PTPN5: variants seen among roughly 807,000 people sequenced by gnomAD.
PTPN5 encodes tyrosine-protein phosphatase non-receptor type 5.
In PTPN5, 29 loss-of-function variants were observed where a neutral mutation model predicts 73.9. The ratio of observed to expected loss-of-function variants is 0.39; its 90% CI spans 0.29 to 0.54. The LOEUF (loss-of-function observed/expected upper bound fraction) is 0.54, where lower values mean the gene tolerates loss of function less well. Among genes scored for constraint, PTPN5 ranks in the 20% least tolerant of loss-of-function variants. The pLI is 0.65. For synonymous variants in PTPN5, 267 were observed against 304.7 expected (o/e 0.88, Z 1.29); for missense variants, 652 against 751.4 (o/e 0.87, Z 1.55).
At chr11:18,782,911 A>C (rs559784533) in intron 1 of PTPN5, among the ~76,000 whole-genome samples, 1 of 152,354 alleles carries the variant, frequency 6.6e-6, no homozygotes, top group South Asian at 2.1e-4. Flanking sequence ...CCTGTTGAGA[A>C]ATACGGCTGC....
intron 8 of PTPN5, 75 bp downstream of exon 8, chr11:18,740,528 C>A: frequency 3.0e-6 from 4 of 1,312,224 alleles, no homozygotes; most frequent in Non-Finnish European, 4.0e-6. Context: ...CCAGGCACCA[C>A]GCTCCACCAC....
At position 18,742,358 on chromosome 11, in the gene PTPN5, G is replaced by A. The variant is rs902140730; in HGVS notation, c.629C>T (p.Pro210Leu). Residue 210 changes from proline (P) to leucine (L), a missense_variant, in exon 7 of 15, where the codon CCG (proline) becomes CTG (leucine). Coordinates refer to ENST00000358540, the MANE Select transcript of PTPN5 (RefSeq NM_006906.2). This position sits in a 1 kb window ranked among gnomAD's most constrained non-coding sequence, Gnocchi z 4.1. Reference protein sequence around the residue: ...KIEDDFLDLDPVPETPVFDCV... With the variant: ...KIEDDFLDLDLVPETPVFDCV... ...ATCAAACACAGGAGTCTCGGGCACC[G>A]GGTCGAGGTCCAGGAAGTCATCCTC... is the stretch of plus-strand genomic sequence containing the variant. 15 of 1,614,158 alleles carry A rather than the reference G, an allele frequency of 9.3e-6. No individual in the cohort carries two copies. Among genetic ancestry groups the A allele is most frequent in the Non-Finnish European group, 1.2e-5 (14 of 1,180,022 alleles).
In PTPN5 at chr11:18,742,250, C is replaced by T. The variant is rs1386262795; in HGVS notation, c.725+12G>A. 11 of 1,613,640 alleles carry T rather than the reference C, an allele frequency of 6.8e-6. No homozygotes were observed. In the Admixed American group the frequency reaches 1.8e-4, roughly 27 times the overall value. On this transcript the variant is annotated intron_variant, in intron 7 of 14. Coordinates refer to ENST00000358540, the MANE Select transcript of PTPN5 (RefSeq NM_006906.2). This position sits in a 1 kb window ranked among gnomAD's most constrained non-coding sequence, Gnocchi z 4.1. ...GGGCCCGTGGAGCCCACCCCTCCTC[C>T]ACCCCTCCCACCTCTCCTGCAGACC...
chr11:18,758,012 G>T (rs1386915975), intron 3 of PTPN5, among the ~76,000 whole-genome samples: 4 of 152,168 alleles, frequency 2.6e-5, no homozygotes, highest in African/African-American at 7.2e-5. Context: ...GCAACAAAGG[G>T]TCAGTAGCTC....
Position 18,728,619 on chromosome 11 carries a change from G to A in PTPN5, c.*315C>T, listed in dbSNP as rs1039819365. On this transcript the variant is annotated 3_prime_UTR_variant, in exon 15 of 15. Coordinates refer to ENST00000358540, the MANE Select transcript of PTPN5 (RefSeq NM_006906.2). The surrounding 1 kb of genome is among the most constrained non-coding windows in gnomAD (Gnocchi z 4.1). ...TGCAGCAGGACACAAAGTGTAGCAC[G>A]GAAACATTCTGGATCAGGTATTGAT... 3.7e-5 allele frequency: 11 copies of A among 294,536 alleles called. No individual in the cohort carries two copies. Among genetic ancestry groups the A allele is most frequent in the Non-Finnish European group, 5.7e-5 (9 of 158,132 alleles). The allele number at this position is 294,536 out of a possible 1,614,324, so 18.2% of individuals were successfully genotyped here. A position where few individuals can be genotyped will look rare whatever the true frequency, so the allele number is the denominator to read the frequency against.
At chr11:18,771,831 G>T in intron 2 of PTPN5, 108 bp downstream of exon 2, 1 of 899,168 alleles carries the variant, frequency 1.1e-6, no homozygotes, top group Non-Finnish European at 1.8e-6. Context: ...GAATGATCAG[G>T]CTGAACACCT....
At position 18,744,073 on chromosome 11, in the gene PTPN5, C is replaced by G. The variant is rs751501268; in HGVS notation, c.224G>C (p.Arg75Pro). The stretch of plus-strand genomic sequence containing the variant: ...AGTGAGGGAGTGGCTCCCAGCGCCT[C>G]GAGGTGGTGGCTTCTGAGCTGGATC... ...PSDPAQKPPP[R>P]GAGSHSLTVR... The change falls in exon 4 of 15, where the codon CGA becomes CCA. Residue 75 changes from arginine to proline, a missense_variant. By Grantham distance (103) the Arg-to-Pro change is moderately radical. This residue lies in a region of PTPN5 where 529 missense variants were observed against 573.9 expected (regional missense o/e 0.92). Transcript: ENST00000358540. 1 of 1,609,832 alleles carries G rather than the reference C, an allele frequency of 6.2e-7. No homozygotes were observed. Among genetic ancestry groups the G allele is most frequent in the Non-Finnish European group, 8.5e-7 (1 of 1,178,258 alleles).
chr11:18,751,819 G>C (rs888494575), intron 3 of PTPN5, among the ~76,000 whole-genome samples: 3 of 152,236 alleles, frequency 2.0e-5, no homozygotes, highest in African/African-American at 7.2e-5. Context: ...AAATACGTCT[G>C]TAATTCTTCA....
rs765901653 is a variant in PTPN5, at chr11:18,733,354, TCTC to T, written c.1096_1098del (p.Glu366del). 7.4e-6 allele frequency: 12 copies of T among 1,613,912 alleles called. No individual in the cohort carries two copies. Among genetic ancestry groups the T allele is most frequent in the Non-Finnish European group, 1.0e-5 (12 of 1,179,890 alleles). ...GGTCCCTGAGTGGCGATGTACACCT[TCTC>T]CTCCCCACCATAGCCCTGCGGCCAG... On this transcript the variant is annotated inframe_deletion, in exon 11 of 15. Coordinates refer to ENST00000358540, the MANE Select transcript of PTPN5 (RefSeq NM_006906.2). The surrounding 1 kb of genome is among the most constrained non-coding windows in gnomAD (Gnocchi z 4.3).
At chr11:18,775,792 T>C (rs1365944996) in intron 1 of PTPN5, among the ~76,000 whole-genome samples, 2 of 152,092 alleles carry the variant, frequency 1.3e-5, no homozygotes, top group Non-Finnish European at 2.9e-5. Flanking sequence ...TAAGGGCCTT[T>C]CCTTAGAGGT....
chr11:18,751,186 G>A (rs1247970458), intron 3 of PTPN5, among the ~76,000 whole-genome samples: 1 of 152,208 alleles, frequency 6.6e-6, no homozygotes, highest in Non-Finnish European at 1.5e-5. Flanking sequence ...GGAGAGGCTG[G>A]AGGTGGCTCC....
intron 1 of PTPN5, among the ~76,000 whole-genome samples, chr11:18,776,364 T>C (rs532467755): frequency 2.6e-5 from 4 of 152,118 alleles, no homozygotes; most frequent in South Asian, 2.1e-4. Flanking sequence ...ACCTCCTCAA[T>C]AGAACCCTCC....
At chr11:18,769,593 A>C (rs770288294) in intron 2 of PTPN5, among the ~76,000 whole-genome samples, 2 of 152,122 alleles carry the variant, frequency 1.3e-5, no homozygotes, top group African/African-American at 2.4e-5. Flanking sequence ...AGTAGATACG[A>C]GGTTTCACCG....
At chr11:18,790,567 T>C (rs1356898336) in intron 1 of PTPN5, among the ~76,000 whole-genome samples, 1 of 151,972 alleles carries the variant, frequency 6.6e-6, no homozygotes, top group Non-Finnish European at 1.5e-5. Context: ...TCCTTTGAGG[T>C]TGAAGGAAGC....
intron 3 of PTPN5, among the ~76,000 whole-genome samples, chr11:18,756,807 C>G (rs1257499327): frequency 1.3e-5 from 2 of 151,558 alleles, no homozygotes; most frequent in Non-Finnish European, 2.9e-5. Flanking sequence ...GCCTGTAATC[C>G]CAGCTACTCG....
Position 18,729,697 on chromosome 11 carries a change from T to G in PTPN5, c.1451A>C (p.Gln484Pro). 6.3e-7 allele frequency: 1 copy of G among 1,582,380 alleles called. No homozygotes were observed. The change falls in exon 13 of 15, where the codon CAG (glutamine) becomes CCG (proline). Residue 484 changes from glutamine (Q) to proline (P), a missense_variant. Transcript: ENST00000358540. The surrounding 1 kb of genome is among the most constrained non-coding windows in gnomAD (Gnocchi z 5.2). ...GATGGGGGCACAGTGGGGCCCCTCC[T>G]GCTGGGCTGCCTCCTCCACCTCCCG... ...LVREVEEAAQ[Q>P]EGPHCAPIIV...
Position 18,737,980 on chromosome 11 carries a change from A to G in PTPN5, c.916-16T>C, listed in dbSNP as rs988192817. On this transcript the variant is annotated splice_polypyrimidine_tract_variant and intron_variant, in intron 8 of 14. Coordinates refer to ENST00000358540, the MANE Select transcript of PTPN5 (RefSeq NM_006906.2). ...TGGGGATTTCCTGTGGAAGGAGGAC[A>G]CGGGGTGTGAGCAGCTATGGGCCCT... 12 of 1,609,582 alleles carry G rather than the reference A, an allele frequency of 7.5e-6. No individual in the cohort carries two copies. Among genetic ancestry groups the G allele is most frequent in the African/African-American group, 2.7e-5 (2 of 74,846 alleles).
intron 2 of PTPN5, among the ~76,000 whole-genome samples, chr11:18,768,361 G>A (rs1319111363): frequency 6.6e-6 from 1 of 152,194 alleles, no homozygotes; most frequent in Non-Finnish European, 1.5e-5. Context: ...ATACTGAGTT[G>A]GTGGTGGCCA....
chr11:18,743,286 T>C (rs1238984812), intron 5 of PTPN5, 36 bp downstream of exon 5: 4 of 1,597,152 alleles, frequency 2.5e-6, no homozygotes, highest in Middle Eastern at 1.7e-4. Context: ...CCCCAACAGA[T>C]CCCTGCTACC....
Sources: allele counts gnomAD v4.1 joint callset (sites outside exome capture counted in the v4.1 genomes callset), GRCh38; gene constraint gnomAD v4.1.1; regional missense constraint gnomAD v4.1.1; non-coding constraint Gnocchi (gnomAD v3.1); transcripts MANE v1.5; gene names NCBI Gene and HGNC (gene_info 2026-07-23, HGNC 2026-07-21).